DYNC2H1: variants seen among roughly 807,000 people sequenced by gnomAD.
DYNC2H1 encodes dynein cytoplasmic 2 heavy chain 1.
A neutral mutation model predicts 570.0 loss-of-function variants in DYNC2H1; 410 were observed. That is an observed-to-expected ratio of 0.72 (90% CI 0.66 to 0.78). The LOEUF (loss-of-function observed/expected upper bound fraction) is 0.78, where lower values mean the gene tolerates loss of function less well. Ranked by LOEUF, DYNC2H1 falls within the 30% of genes least tolerant of loss-of-function variation. The probability of loss-of-function intolerance (pLI) is 0.00; values close to 1 mark genes in which losing one functional copy is unlikely to be tolerated. For synonymous variants in DYNC2H1, 1,688 were observed against 1,677.6 expected, an observed-to-expected ratio of 1.01 and a Z score of -0.15; for missense variants, 4,865 against 5,046.4, an observed-to-expected ratio of 0.96 and a Z score of 1.09.
chr11:103,241,500 T>C lies in DYNC2H1; in HGVS notation c.9820-2193T>C. The C allele has an allele frequency of 1.3e-6, 2 of 1,590,352 alleles. No individual in the cohort carries two copies. The highest frequency in any genetic ancestry group is 1.7e-6 in the Non-Finnish European group (2 of 1,162,276). ...GCTAAAAACATTTTGAAATGTTACC[T>C]TTCTTCTTTTCATTTAACTGCATCA... is the stretch of plus-strand genomic sequence containing the variant. On this transcript the variant is annotated intron_variant, in intron 63 of 88. Coordinates refer to ENST00000375735, the MANE Select transcript of DYNC2H1 (RefSeq NM_001377.3). This position sits in a 1 kb window ranked among gnomAD's most constrained non-coding sequence, Gnocchi z 5.1.
chr11:103,147,479 A>G (rs1415874525), intron 18 of DYNC2H1, among the ~76,000 whole-genome samples: 1 of 152,140 alleles, frequency 6.6e-6, no homozygotes, highest in East Asian at 1.9e-4. Context: ...TAATATTTAA[A>G]TATATTCTTT....
intron 10 of DYNC2H1, 39 bp from the exon 11 acceptor site, chr11:103,122,786 A>G (rs780840496): frequency 6.4e-7 from 1 of 1,565,934 alleles, no homozygotes; most frequent in Non-Finnish European, 8.7e-7. Flanking sequence ...TTTTTTTGGA[A>G]TTTAAATAAT....
intron 17 of DYNC2H1, among the ~76,000 whole-genome samples, chr11:103,138,855 G>T (rs1859727442): frequency 6.6e-6 from 1 of 151,858 alleles, no homozygotes; most frequent in Non-Finnish European, 1.5e-5. Flanking sequence ...GACTCTTTTT[G>T]GTTGGTAAGC....
intron 17 of DYNC2H1, among the ~76,000 whole-genome samples, chr11:103,139,095 C>A (rs1859745908): frequency 6.6e-6 from 1 of 151,466 alleles, no homozygotes; most frequent in African/African-American, 2.4e-5. Context: ...CTATTTGATT[C>A]TTCTCTCTTT....
intron 83 of DYNC2H1, among the ~76,000 whole-genome samples, chr11:103,371,519 C>G (rs1450178715): frequency 6.6e-6 from 1 of 151,884 alleles, no homozygotes; most frequent in Admixed American, 6.6e-5. Context: ...ATCAGACTCC[C>G]AAAGATCAAG....
intron 83 of DYNC2H1, among the ~76,000 whole-genome samples, chr11:103,386,308 G>C (rs10895414): frequency 0.29 from 43,579 of 151,816 alleles, 6,331 homozygotes; most frequent in South Asian, 0.35. Context: ...ATGTTATGTG[G>C]TATTGGAATT....
In DYNC2H1 at chr11:103,209,882, G is replaced by A. The variant is rs1477607603; in HGVS notation, c.8461G>A (p.Glu2821Lys). The A allele has an allele frequency of 2.0e-6, 3 of 1,482,740 alleles. No homozygotes were observed. The highest frequency in any genetic ancestry group is 4.8e-5 in the Admixed American group (2 of 41,324). 91.8% of individuals were successfully genotyped at this position (1,482,740 alleles called of 1,614,324 possible). A position where few individuals can be genotyped will look rare whatever the true frequency, so the allele number is the denominator to read the frequency against. Reference sequence around the variant, plus strand: ...TATTCTTTTTATGTTTTAGATACCTGAAATGTTATTCAGTGAAACAGGTGG... The same window carrying A: ...TATTCTTTTTATGTTTTAGATACCTAAAATGTTATTCAGTGAAACAGGTGG... ...WSNSSMKKIP[E>K]MLFSETGGGE... is the part of the protein sequence containing the mutation. Residue 2821 changes from glutamate to lysine, a missense_variant, in exon 53 of 89, where the codon GAA (glutamate) becomes AAA (lysine). By Grantham distance (56) the Glu-to-Lys change is moderately conservative. This residue lies in a region of DYNC2H1 where 2,401 missense variants were observed against 2,454.6 expected (regional missense o/e 0.98). Coordinates refer to ENST00000375735, the MANE Select transcript of DYNC2H1 (RefSeq NM_001377.3). This position sits in a 1 kb window ranked among gnomAD's most constrained non-coding sequence, Gnocchi z 4.2.
chr11:103,148,664 G>A (rs1246760063), intron 20 of DYNC2H1, 47 bp downstream of exon 20: 3 of 1,524,296 alleles, frequency 2.0e-6, no homozygotes, highest in Non-Finnish European at 2.6e-6. Context: ...TTACTGCATG[G>A]AAAATGTTTA....
At chr11:103,142,271 G>A (rs1859988681) in intron 17 of DYNC2H1, among the ~76,000 whole-genome samples, 1 of 152,246 alleles carries the variant, frequency 6.6e-6, no homozygotes, top group Non-Finnish European at 1.5e-5. Context: ...TACCTCAGAT[G>A]GAAATGCAGA....
In DYNC2H1 at chr11:103,129,981, A is replaced by C. The variant is rs1591285572; in HGVS notation, c.1953+976A>C. Among the ~76,000 whole-genome samples, 1 of 152,340 alleles carries C rather than the reference A, an allele frequency of 6.6e-6. No individual in the cohort carries two copies. Among genetic ancestry groups the C allele is most frequent in the Admixed American group, 6.5e-5 (1 of 15,308 alleles). On this transcript the variant is annotated intron_variant, in intron 13 of 88. Transcript: ENST00000375735. This position sits in a 1 kb window ranked among gnomAD's most constrained non-coding sequence, Gnocchi z 4.1. Reference sequence around the variant, plus strand: ...TAGCAGTATTTATTACGGTGAATGCATACAAAGCAAAATCAGCAAAGGGAA... The same window carrying C: ...TAGCAGTATTTATTACGGTGAATGCCTACAAAGCAAAATCAGCAAAGGGAA...
intron 87 of DYNC2H1, 84 bp downstream of exon 87, chr11:103,456,440 C>CCTAT: frequency 9.3e-7 from 1 of 1,080,118 alleles, no homozygotes; most frequent in South Asian, 1.5e-5. Flanking sequence ...CTCAAAGTGA[C>CCTAT]CTATCTTTAT....
At position 103,224,508 on chromosome 11, in the gene DYNC2H1, T is replaced by G. The variant is rs571003159; in HGVS notation, c.9353+1422T>G. Among the ~76,000 whole-genome samples, 18 of 152,340 alleles carry G rather than the reference T, an allele frequency of 1.2e-4. 1 individual carries two copies. In the South Asian group the frequency reaches 3.7e-3, roughly 32 times the overall value. The stretch of plus-strand genomic sequence containing the variant: ...AGTGAGAACGTACAATGTTTGGTTT[T>G]CCATTCCTGAGATACTTTACTTAGA... On this transcript the variant is annotated intron_variant, in intron 59 of 88. Transcript: ENST00000375735.
intron 11 of DYNC2H1, 143 bp from the exon 12 acceptor site, chr11:103,124,957 A>G (rs184453361): frequency 1.0e-4 from 59 of 563,754 alleles, no homozygotes; most frequent in Admixed American, 1.6e-4. Flanking sequence ...GAAAAAACCC[A>G]CAACTTAAAA....
intron 82 of DYNC2H1, among the ~76,000 whole-genome samples, chr11:103,348,832 AT>A (rs1405383413): frequency 1.2e-4 from 18 of 152,084 alleles, no homozygotes; most frequent in African/African-American, 4.1e-4. Context: ...AGGTGATTAG[AT>A]TATGGGAGGC....
intron 31 of DYNC2H1, among the ~76,000 whole-genome samples, chr11:103,167,803 A>G (rs1861394140): frequency 6.6e-6 from 1 of 152,172 alleles, no homozygotes; most frequent in Non-Finnish European, 1.5e-5. Flanking sequence ...TGTTGGGTTC[A>G]GATTCCAAGT....
intron 84 of DYNC2H1, chr11:103,406,340 G>A (rs1375343471): frequency 6.6e-6 from 1 of 151,940 alleles, no homozygotes; most frequent in Non-Finnish European, 1.5e-5. Flanking sequence ...TAGATGTGGG[G>A]AATATTGTTA....
rs1862064367 is a variant in DYNC2H1 at position 103,186,265 on chromosome 11, T to C, written c.6657T>C (p.Ser2219=). 6.2e-7 allele frequency: 1 copy of C among 1,611,280 alleles called. No homozygotes were observed. Among genetic ancestry groups the C allele is most frequent in the Non-Finnish European group, 8.5e-7 (1 of 1,178,330 alleles). The change falls in exon 42 of 89, where the codon TCT becomes TCC. Residue 2219 remains serine (S), a synonymous_variant. Coordinates refer to ENST00000375735, the MANE Select transcript of DYNC2H1 (RefSeq NM_001377.3). The surrounding 1 kb of genome is among the most constrained non-coding windows in gnomAD (Gnocchi z 4.5). ...TKEVFHWARE[S]PPDFHKPMDT... ...AGGTTTTTCATTGGGCACGAGAATC[T>C]CCTCCAGACTTTCACAAACCTATGG... is the stretch of plus-strand genomic sequence containing the variant.
At chr11:103,246,597 C>G (rs899513621) in intron 65 of DYNC2H1, among the ~76,000 whole-genome samples, 1 of 152,030 alleles carries the variant, frequency 6.6e-6, no homozygotes, top group African/African-American at 2.4e-5. Context: ...AGAGAGTTAA[C>G]CATTGCCCCT....
rs767059108 is a variant in DYNC2H1 at position 103,170,960 on chromosome 11, A to G, written c.5226A>G (p.Glu1742=). The change falls in exon 34 of 89, where the codon GAA becomes GAG. Residue 1742 remains glutamate (E), a synonymous_variant. Coordinates refer to ENST00000375735, the MANE Select transcript of DYNC2H1 (RefSeq NM_001377.3). This position sits in a 1 kb window ranked among gnomAD's most constrained non-coding sequence, Gnocchi z 4.8. ...GTGGGGCCTGGGGTTGTTTTGATGAATTTAATAGGCTGGAAGAATCTGTAC... is the reference window on the plus strand; with the variant it reads ...GTGGGGCCTGGGGTTGTTTTGATGAGTTTAATAGGCTGGAAGAATCTGTAC... ...VKCGAWGCFD[E]FNRLEESVLS... 6.8e-6 allele frequency: 11 copies of G among 1,609,106 alleles called. No homozygotes were observed. Among genetic ancestry groups the G allele is most frequent in the Middle Eastern group, 1.6e-4 (1 of 6,064 alleles).
Sources: allele counts gnomAD v4.1 joint callset (sites outside exome capture counted in the v4.1 genomes callset), GRCh38; gene constraint gnomAD v4.1.1; regional missense constraint gnomAD v4.1.1; non-coding constraint Gnocchi (gnomAD v3.1); transcripts MANE v1.5; gene names NCBI Gene and HGNC (gene_info 2026-07-23, HGNC 2026-07-21).